The following BANK1 variants were observed in gnomAD, a reference collection of about 807,000 sequenced individuals.
BANK1 encodes the protein B cell scaffold protein with ankyrin repeats 1.
A neutral mutation model predicts 94.5 loss-of-function variants in BANK1; 95 were observed. The ratio of observed to expected loss-of-function variants is 1.00; its 90% CI spans 0.85 to 1.19. The LOEUF (loss-of-function observed/expected upper bound fraction) is 1.19, where lower values mean the gene tolerates loss of function less well. BANK1 is among the 50% of genes most tolerant of loss of function. The pLI, the probability that BANK1 is intolerant of heterozygous loss-of-function variation, is 0.00. For missense variants in BANK1, 987 were observed against 932.2 expected (o/e 1.06, Z -0.77); for synonymous variants, 334 against 308.4 (o/e 1.08, Z -0.87).
chr4:101,801,695 G>C (rs181024243), intron 1 of BANK1, among the ~76,000 whole-genome samples: 1 of 152,128 alleles, frequency 6.6e-6, no homozygotes, highest in Non-Finnish European at 1.5e-5. Flanking sequence ...GATTTCATCT[G>C]TGTGTTATAT....
intron 6 of BANK1, among the ~76,000 whole-genome samples, chr4:101,901,278 T>C (rs1236260939): frequency 6.6e-6 from 1 of 152,154 alleles, no homozygotes; most frequent in African/African-American, 2.4e-5. Flanking sequence ...ACCCCAAATA[T>C]ATAAAGCCAC....
chr4:101,845,822 T>C (rs1423960636), intron 2 of BANK1, among the ~76,000 whole-genome samples: 1 of 152,222 alleles, frequency 6.6e-6, no homozygotes, highest in Non-Finnish European at 1.5e-5. Flanking sequence ...ATTAATGCCT[T>C]AGACATTTTT....
chr4:101,827,115 T>C (rs1460142574), intron 1 of BANK1, among the ~76,000 whole-genome samples: 1 of 151,794 alleles, frequency 6.6e-6, no homozygotes, highest in Non-Finnish European at 1.5e-5. Flanking sequence ...AAGTTTATTA[T>C]AAAAATATAA....
intron 7 of BANK1, among the ~76,000 whole-genome samples, chr4:101,937,928 T>C (rs1004651636): frequency 6.6e-6 from 1 of 151,990 alleles, no homozygotes; most frequent in African/African-American, 2.4e-5. Flanking sequence ...GATGAGTTCA[T>C]GTCCTTTGCA....
chr4:102,015,530 A>C (rs1726664646), intron 7 of BANK1, among the ~76,000 whole-genome samples: 1 of 152,220 alleles, frequency 6.6e-6, no homozygotes, highest in Non-Finnish European at 1.5e-5. Flanking sequence ...AATTGACCTC[A>C]AACTTCTCAT....
At chr4:101,932,083 T>C (rs1723369822) in intron 7 of BANK1, among the ~76,000 whole-genome samples, 1 of 151,528 alleles carries the variant, frequency 6.6e-6, no homozygotes, top group Non-Finnish European at 1.5e-5. Context: ...CCTGTTTTAA[T>C]GGGTGAAAAG....
At chr4:102,006,602 TG>T (rs905021615) in intron 7 of BANK1, among the ~76,000 whole-genome samples, 2 of 151,984 alleles carry the variant, frequency 1.3e-5, no homozygotes, top group African/African-American at 4.8e-5. Context: ...TTTTCTTATT[TG>T]GGGGGTTTTA....
intron 7 of BANK1, among the ~76,000 whole-genome samples, chr4:101,968,550 G>T (rs115994059): frequency 0.021 from 3,254 of 151,976 alleles, 59 homozygotes; most frequent in Non-Finnish European, 0.034. Flanking sequence ...AGAGAGGAGA[G>T]TAACAATGCC....
intron 13 of BANK1, among the ~76,000 whole-genome samples, chr4:102,068,827 C>CA (rs35925022): frequency 2.3e-3 from 313 of 137,588 alleles, no homozygotes; most frequent in African/African-American, 6.5e-3. Flanking sequence ...GACTCCATCT[C>CA]AAAAAAAAAA....
chr4:102,019,616 C>T (rs1726821582), intron 7 of BANK1, among the ~76,000 whole-genome samples: 1 of 152,172 alleles, frequency 6.6e-6, no homozygotes, highest in Admixed American at 6.5e-5. Flanking sequence ...CTCCATCACA[C>T]AGCCAAGGAT....
At chr4:101,841,982 A>G (rs922423478) in intron 2 of BANK1, among the ~76,000 whole-genome samples, 1 of 152,202 alleles carries the variant, frequency 6.6e-6, no homozygotes, top group Non-Finnish European at 1.5e-5. Context: ...ATTATTATGA[A>G]AAATAGAATA....
intron 15 of BANK1, among the ~76,000 whole-genome samples, chr4:102,073,180 A>T (rs977559697): frequency 6.6e-6 from 1 of 151,672 alleles, no homozygotes; most frequent in East Asian, 1.9e-4. Flanking sequence ...GAATTGAAGC[A>T]GTTGCATTTT....
chr4:101,926,413 C>A (rs1456596938), intron 7 of BANK1, among the ~76,000 whole-genome samples: 1 of 151,596 alleles, frequency 6.6e-6, no homozygotes, highest in Non-Finnish European at 1.5e-5. Flanking sequence ...CAGTTGAAGG[C>A]TAAATTTTGG....
At chr4:101,999,672 C>T (rs17031850) in intron 7 of BANK1, among the ~76,000 whole-genome samples, 2,400 of 152,240 alleles carry the variant, frequency 0.016, 58 homozygotes, top group South Asian at 0.11. Flanking sequence ...ATAGGTGAAA[C>T]AAACCAATAT....
chr4:102,063,094 G>A lies in BANK1; in HGVS notation c.2168G>A (p.Arg723Gln), dbSNP rs765433742. 23 of 1,613,536 alleles carry A rather than the reference G, an allele frequency of 1.4e-5. No individual in the cohort carries two copies. Among genetic ancestry groups the A allele is most frequent in the Admixed American group, 8.3e-5 (5 of 59,974 alleles). The change falls in exon 13 of 17, where the codon CGA becomes CAA. Residue 723 changes from arginine (R) to glutamine (Q), a missense_variant. Coordinates refer to ENST00000322953, the MANE Select transcript of BANK1 (RefSeq NM_017935.5). ...MIQQEKLRQLRDCIIGKRPEE... is the reference protein window; with the variant it reads ...MIQQEKLRQLQDCIIGKRPEE... The stretch of plus-strand genomic sequence containing the variant: ...ATTAAGGAGAAATTACGACAACTAC[G>A]AGACTGCATTATTGGGAAAAGGCCA...
chr4:101,824,025 A>C (rs1386972902), intron 1 of BANK1, among the ~76,000 whole-genome samples: 1 of 152,248 alleles, frequency 6.6e-6, no homozygotes, highest in Non-Finnish European at 1.5e-5. Context: ...TGTATTAATA[A>C]GTAGAATAAC....
chr4:101,875,679 C>G (rs951791324), intron 5 of BANK1, among the ~76,000 whole-genome samples: 9 of 152,158 alleles, frequency 5.9e-5, no homozygotes, highest in African/African-American at 2.2e-4. Context: ...AGAGCTAAAC[C>G]ATATAACCCA....
In BANK1 at chr4:102,024,648, T is replaced by A. The variant is rs1001814043; in HGVS notation, c.1286-553T>A. ...ACATGCCTTTTTCACCAAAAAAAAA[T>A]TAACTTTTCCCAAGTAATAGCTCCA... On this transcript the variant is annotated intron_variant, in intron 8 of 16. Coordinates refer to ENST00000322953, the MANE Select transcript of BANK1 (RefSeq NM_017935.5). Among the ~76,000 whole-genome samples, 9 of 152,010 alleles carry A rather than the reference T, an allele frequency of 5.9e-5. 1 individual carries two copies. Among genetic ancestry groups the A allele is most frequent in the African/African-American group, 2.2e-4 (9 of 41,402 alleles).
chr4:101,944,520 G>GT (rs550911640), intron 7 of BANK1, among the ~76,000 whole-genome samples: 114 of 151,794 alleles, frequency 7.5e-4, no homozygotes, highest in African/African-American at 2.6e-3. Flanking sequence ...CCCCTGTTAG[G>GT]TTTTCCATAG....
Sources: allele counts gnomAD v4.1 joint callset (sites outside exome capture counted in the v4.1 genomes callset), GRCh38; gene constraint gnomAD v4.1.1; transcripts MANE v1.5; gene names NCBI Gene and HGNC (gene_info 2026-07-23, HGNC 2026-07-21).